SMG1: variants seen among roughly 807,000 people sequenced by gnomAD.
SMG1 encodes SMG1 nonsense mediated mRNA decay associated PI3K related kinase.
Under a neutral mutation model 419.9 loss-of-function variants are expected in SMG1, and 22 were observed. That is an observed-to-expected ratio of 0.05 (90% confidence interval 0.04 to 0.07). The LOEUF is 0.07. Among genes scored for constraint, SMG1 ranks in the 10% least tolerant of loss-of-function variants. The pLI is 1.00. For missense variants in SMG1, 3,185 were observed against 4,342.0 expected (o/e 0.73, Z 7.49); for synonymous variants, 1,538 against 1,553.5 (o/e 0.99, Z 0.23).
At chr16:18,918,741 G>T (rs1270872655) in intron 1 of SMG1, among the ~76,000 whole-genome samples, 1 of 152,246 alleles carries the variant, frequency 6.6e-6, no homozygotes, top group Non-Finnish European at 1.5e-5. Flanking sequence ...TAGAGACGGG[G>T]TTTCACCATG....
chr16:18,926,379 G>A lies in SMG1; in HGVS notation c.-338C>T. On this transcript the variant is annotated 5_prime_UTR_variant, in exon 1 of 63. Transcript: ENST00000446231. ...CGAGGACGACGAGGAGCAGGCGGTG[G>A]CGGCAGCTCCTCACGCTCACACGGC... 3.5e-6 allele frequency: 1 copy of A among 284,938 alleles called. No homozygotes were observed. The highest frequency in any genetic ancestry group is 6.6e-6 in the Non-Finnish European group (1 of 152,616). 17.7% of individuals were successfully genotyped at this position (284,938 alleles called of 1,614,324 possible).
At chr16:18,865,107 T>C (rs192821564) in intron 23 of SMG1, among the ~76,000 whole-genome samples, 2 of 152,244 alleles carry the variant, frequency 1.3e-5, no homozygotes, top group East Asian at 3.9e-4. Flanking sequence ...AAACAAATTA[T>C]AAATCAAGAA....
At chr16:18,919,283 C>T (rs1272582081) in intron 1 of SMG1, among the ~76,000 whole-genome samples, 1 of 151,366 alleles carries the variant, frequency 6.6e-6, no homozygotes, top group Non-Finnish European at 1.5e-5. Flanking sequence ...GCCAAGACTG[C>T]ACCAGTGCAT....
chr16:18,814,048 T>TAAAAAAAAAAA (rs2031740466), intron 60 of SMG1, among the ~76,000 whole-genome samples: 1 of 91,016 alleles, frequency 1.1e-5, no homozygotes, highest in Non-Finnish European at 2.5e-5. Flanking sequence ...AAAAAAAAAT[T>TAAAAAAAAAAA]AAATTAAATT....
chr16:18,894,788 A>AT (rs1172030569), intron 3 of SMG1, among the ~76,000 whole-genome samples: 1 of 151,728 alleles, frequency 6.6e-6, no homozygotes, highest in Non-Finnish European at 1.5e-5. Flanking sequence ...GAAAAAAATT[A>AT]TCATTACCTC....
chr16:18,915,210 T>G (rs1596656489), intron 1 of SMG1, among the ~76,000 whole-genome samples: 1 of 152,098 alleles, frequency 6.6e-6, no homozygotes, highest in Admixed American at 6.6e-5. Context: ...CTTGACCTCA[T>G]GATCCGCCCA....
At chr16:18,820,417 T>C (rs181762759) in intron 55 of SMG1, among the ~76,000 whole-genome samples, 451 of 151,796 alleles carry the variant, frequency 3.0e-3, no homozygotes, top group Non-Finnish European at 5.3e-3. Flanking sequence ...TTGCCCAGGC[T>C]GGTCTCAAAC....
At chr16:18,846,476 C>G (rs1482206778) in intron 38 of SMG1, among the ~76,000 whole-genome samples, 1 of 152,042 alleles carries the variant, frequency 6.6e-6, no homozygotes, top group African/African-American at 2.4e-5. Flanking sequence ...AATCATGTAT[C>G]TGATAAGGGT....
intron 6 of SMG1, among the ~76,000 whole-genome samples, chr16:18,888,468 GA>G (rs201927897): frequency 0.013 from 1,882 of 140,884 alleles, 21 homozygotes; most frequent in South Asian, 0.02. Context: ...AACCAAAGAG[GA>G]AAAAAATCCT....
intron 5 of SMG1, among the ~76,000 whole-genome samples, 194 bp from the exon 6 acceptor site, chr16:18,889,779 T>C (rs925101548): frequency 1.3e-5 from 2 of 152,222 alleles, no homozygotes; most frequent in Admixed American, 6.5e-5. Flanking sequence ...CAAGTATCTG[T>C]CTGATATTAC....
chr16:18,837,094 G>C (rs1008446841), intron 46 of SMG1, among the ~76,000 whole-genome samples, 159 bp downstream of exon 46: 3 of 152,118 alleles, frequency 2.0e-5, no homozygotes, highest in Admixed American at 6.5e-5. Flanking sequence ...CAATTTCAGT[G>C]AATTTTTGTT....
intron 1 of SMG1, among the ~76,000 whole-genome samples, chr16:18,898,705 C>A (rs2037232078): frequency 6.6e-6 from 1 of 152,190 alleles, no homozygotes; most frequent in Non-Finnish European, 1.5e-5. Flanking sequence ...TTCGGAAACA[C>A]AAAGATAAAT....
chr16:18,848,974 G>A (rs2034427123), intron 36 of SMG1, among the ~76,000 whole-genome samples: 1 of 148,720 alleles, frequency 6.7e-6, no homozygotes, highest in African/African-American at 2.5e-5. Context: ...GGGAAGCTGA[G>A]GCAGAGAACT....
chr16:18,865,610 C>T (rs1203243927), intron 23 of SMG1, among the ~76,000 whole-genome samples: 1 of 150,710 alleles, frequency 6.6e-6, no homozygotes, highest in South Asian at 2.1e-4. Flanking sequence ...ATGGTACACT[C>T]ATAAATACAA....
At chr16:18,923,241 C>T (rs2038266054) in intron 1 of SMG1, among the ~76,000 whole-genome samples, 3 of 152,204 alleles carry the variant, frequency 2.0e-5, no homozygotes, top group South Asian at 2.1e-4. Context: ...TGCAACACTT[C>T]CTGTCAGTAT....
chr16:18,861,274 A>C (rs2035204717), intron 25 of SMG1: 1 of 151,584 alleles, frequency 6.6e-6, no homozygotes, highest in South Asian at 2.1e-4. Context: ...TTTTTCACCT[A>C]CTTCTCTTTT....
chr16:18,853,048 C>T (rs942862718), intron 31 of SMG1, among the ~76,000 whole-genome samples: 1 of 152,104 alleles, frequency 6.6e-6, no homozygotes, highest in African/African-American at 2.4e-5. Flanking sequence ...TTCAGAACAA[C>T]AAAATGAAGG....
At chr16:18,877,020 T>A in intron 12 of SMG1, 111 bp downstream of exon 12, 1 of 750,118 alleles carries the variant, frequency 1.3e-6, no homozygotes, top group Non-Finnish European at 2.2e-6. Context: ...ATATTCTAAA[T>A]CAAACATTTC....
intron 11 of SMG1, chr16:18,879,183 A>T: frequency 5.1e-6 from 2 of 390,822 alleles, no homozygotes; most frequent in Non-Finnish European, 9.7e-6. Flanking sequence ...TGGCACAATC[A>T]GAGCTCTCTT....
Sources: gnomAD v4.1 joint callset for allele counts (sites outside exome capture counted in the v4.1 genomes callset) on GRCh38, gnomAD v4.1.1 for gene constraint, MANE v1.5 for transcripts, NCBI Gene and HGNC (gene_info 2026-07-23, HGNC 2026-07-21) for gene names.